Variants in CHGB observed in about 807,000 individuals in gnomAD.
The protein encoded by CHGB is chromogranin B, also known as secretogranin-1.
Under a neutral mutation model 69.9 loss-of-function variants are expected in CHGB, and 46 were observed. The ratio of observed to expected loss-of-function variants is 0.66; its 90% CI spans 0.52 to 0.84. The LOEUF (loss-of-function observed/expected upper bound fraction) is 0.84, where lower values mean the gene tolerates loss of function less well. CHGB is among the 40% of genes least tolerant of loss of function. The pLI, the probability that CHGB is intolerant of heterozygous loss-of-function variation, is 0.00. For missense variants in CHGB, 796 were observed against 822.2 expected, an observed-to-expected ratio of 0.97 and a Z score of 0.39; for synonymous variants, 312 against 298.2, an observed-to-expected ratio of 1.05 and a Z score of -0.48.
At chr20:5,913,426 G>T (rs1044035314) in intron 1 of CHGB, among the ~76,000 whole-genome samples, 1 of 152,080 alleles carries the variant, frequency 6.6e-6, no homozygotes, top group South Asian at 2.1e-4. Context: ...CTGGTAATTT[G>T]CAAAATTACA....
chr20:5,913,573 A>G (rs2088458014), intron 1 of CHGB, among the ~76,000 whole-genome samples: 2 of 151,270 alleles, frequency 1.3e-5, no homozygotes, highest in Admixed American at 6.6e-5. Context: ...AATGATATCC[A>G]TATTATTCTA....
At chr20:5,912,759 G>T (rs1003600192) in intron 1 of CHGB, among the ~76,000 whole-genome samples, 3 of 152,084 alleles carry the variant, frequency 2.0e-5, no homozygotes, top group African/African-American at 4.8e-5. Context: ...CTGTTTTAAT[G>T]ATTTAGAAAA....
intron 1 of CHGB, among the ~76,000 whole-genome samples, chr20:5,913,445 G>A (rs1233801624): frequency 6.6e-6 from 1 of 152,032 alleles, no homozygotes; most frequent in Non-Finnish European, 1.5e-5. Flanking sequence ...CAGGGCTGGG[G>A]GAAGCCTCAA....
At position 5,923,460 on chromosome 20, in the gene CHGB, G is replaced by C. The variant is rs771393741; in HGVS notation, c.1316G>C (p.Arg439Thr). ...YFMSDTREEK[R>T]FLGEGHHRVQ... ...ATGTCTGACACCAGAGAAGAGAAAA[G>C]GTTCTTGGGTGAAGGACACCACCGT... The change falls in exon 4 of 5, where the codon AGG (arginine) becomes ACG (threonine). Residue 439 changes from arginine to threonine, a missense_variant. Coordinates refer to ENST00000378961, the MANE Select transcript of CHGB (RefSeq NM_001819.3). 3 of 1,613,924 alleles carry C rather than the reference G, an allele frequency of 1.9e-6. No homozygotes were observed. The highest frequency in any genetic ancestry group is 8.5e-7 in the Non-Finnish European group (1 of 1,180,028).
At chr20:5,917,009 T>A in intron 3 of CHGB, 90 bp downstream of exon 3, 1 of 1,195,356 alleles carries the variant, frequency 8.4e-7, no homozygotes, top group Non-Finnish European at 1.2e-6. Flanking sequence ...TATCTACAAA[T>A]GACCTGGGGG....
Position 5,923,822 on chromosome 20 carries a change from A to G in CHGB, c.1678A>G (p.Lys560Glu), listed in dbSNP as rs1346637753. The G allele has an allele frequency of 1.2e-6, 2 of 1,614,212 alleles. No homozygotes were observed. Among genetic ancestry groups the G allele is most frequent in the Admixed American group, 3.3e-5 (2 of 60,030 alleles). The change falls in exon 4 of 5, where the codon AAG (lysine) becomes GAG (glutamate). Residue 560 changes from lysine (K) to glutamate (E), a missense_variant. By Grantham distance (56) the Lys-to-Glu change is moderately conservative. Around this residue, in one of 3 missense-constraint regions of CHGB, gnomAD observed 274 missense variants for 298.9 expected, o/e 0.92. Coordinates refer to ENST00000378961, the MANE Select transcript of CHGB (RefSeq NM_001819.3). The part of the protein sequence containing the change: ...EEENELTLNE[K>E]NFFPEYNYDW... ...GGAAAATGAGCTGACCTTGAACGAGAAGAATTTCTTCCCAGAATACAACTA... is the reference window on the plus strand; with the variant it reads ...GGAAAATGAGCTGACCTTGAACGAGGAGAATTTCTTCCCAGAATACAACTA...
At chr20:5,912,576 AT>A (rs2088452726) in intron 1 of CHGB, among the ~76,000 whole-genome samples, 1 of 152,120 alleles carries the variant, frequency 6.6e-6, no homozygotes, top group African/African-American at 2.4e-5. Flanking sequence ...AGATTGTAGG[AT>A]TAATCTTTCA....
Position 5,922,618 on chromosome 20 carries a change from G to A in CHGB, c.474G>A (p.Glu158=), listed in dbSNP as rs1351367601. 6.2e-7 allele frequency: 1 copy of A among 1,614,164 alleles called. No homozygotes were observed. Residue 158 remains glutamate (E), a synonymous_variant, in exon 4 of 5, where the codon GAG becomes GAA. Coordinates refer to ENST00000378961, the MANE Select transcript of CHGB (RefSeq NM_001819.3). ...VSEEVKTRHS[E]KSQREDEEEE... ...AAGAAGTGAAGACACGCCATTCTGA[G>A]AAGAGCCAGAGAGAGGATGAGGAGG...
intron 4 of CHGB, among the ~76,000 whole-genome samples, chr20:5,924,505 C>G (rs190330316): frequency 1.3e-5 from 2 of 152,298 alleles, no homozygotes; most frequent in East Asian, 3.9e-4. Context: ...TCTTATTGTT[C>G]ATCACTCTCT....
intron 3 of CHGB, among the ~76,000 whole-genome samples, chr20:5,921,428 G>A (rs917191481): frequency 3.3e-5 from 5 of 152,168 alleles, no homozygotes; most frequent in African/African-American, 1.2e-4. Flanking sequence ...AGCCCTCCCA[G>A]CTAACAACTG....
At chr20:5,912,234 G>A (rs2122564685) in intron 1 of CHGB, among the ~76,000 whole-genome samples, 1 of 152,274 alleles carries the variant, frequency 6.6e-6, no homozygotes, top group Non-Finnish European at 1.5e-5. Context: ...TAATGTGTGT[G>A]TATGTGTGCT....
intron 3 of CHGB, among the ~76,000 whole-genome samples, chr20:5,920,698 G>A (rs2088508794): frequency 6.6e-6 from 1 of 152,206 alleles, no homozygotes; most frequent in South Asian, 2.1e-4. Flanking sequence ...TTAGTCAATA[G>A]CACTGCCCAG....
intron 2 of CHGB, 105 bp from the exon 3 acceptor site, chr20:5,916,721 A>C: frequency 1.0e-6 from 1 of 988,690 alleles, no homozygotes. Context: ...ATACTGCATC[A>C]GCCCAGGTCA....
rs774750810 is a variant in CHGB, at chr20:5,923,695, A to G, written c.1551A>G (p.Arg517=). 6.2e-7 allele frequency: 1 copy of G among 1,613,934 alleles called. No individual in the cohort carries two copies. The highest frequency in any genetic ancestry group is 1.3e-5 in the African/African-American group (1 of 74,854). The change falls in exon 4 of 5, where the codon AGA becomes AGG. Residue 517 remains arginine (R), a synonymous_variant. Coordinates refer to ENST00000378961, the MANE Select transcript of CHGB (RefSeq NM_001819.3). The part of the protein sequence containing the change: ...SSHHTAEKRK[R]LGELFNPYYD... Reference sequence around the variant, plus strand: ...ATCACACAGCTGAAAAGAGGAAGAGATTAGGGGAACTGTTCAACCCATACT... The same window carrying G: ...ATCACACAGCTGAAAAGAGGAAGAGGTTAGGGGAACTGTTCAACCCATACT...
chr20:5,923,534 T>A lies in CHGB; in HGVS notation c.1390T>A (p.Trp464Arg), dbSNP rs375921573. The change falls in exon 4 of 5, where the codon TGG becomes AGG. Residue 464 changes from tryptophan (W) to arginine (R), a missense_variant. Transcript: ENST00000378961. The part of the protein sequence containing the change: ...DKARRHPQGA[W>R]KELDRNYLNY... ...GGCAAGGAGGCATCCACAAGGTGCG[T>A]GGAAAGAGCTGGACAGAAATTATCT... The A allele has an allele frequency of 6.2e-7, 1 of 1,613,878 alleles. No homozygotes were observed.
chr20:5,919,728 C>T (rs1262344068), intron 3 of CHGB, among the ~76,000 whole-genome samples: 1 of 152,218 alleles, frequency 6.6e-6, no homozygotes, highest in Non-Finnish European at 1.5e-5. Context: ...AGTTCTCTCT[C>T]TCTTGTTGGC....
rs1281394209 is a variant in CHGB, at chr20:5,923,830, C to A, written c.1686C>A (p.Phe562Leu). The change falls in exon 4 of 5, where the codon TTC becomes TTA. Residue 562 changes from phenylalanine to leucine, a missense_variant. By Grantham distance (22) the Phe-to-Leu change is conservative. This residue lies in a region of CHGB where 274 missense variants were observed against 298.9 expected (regional missense o/e 0.92). Transcript: ENST00000378961. The stretch of plus-strand genomic sequence containing the variant: ...AGCTGACCTTGAACGAGAAGAATTT[C>A]TTCCCAGAATACAACTATGACTGGT... ...ENELTLNEKN[F>L]FPEYNYDWWE... The A allele has an allele frequency of 6.2e-7, 1 of 1,614,204 alleles. No individual in the cohort carries two copies.
intron 1 of CHGB, among the ~76,000 whole-genome samples, chr20:5,915,235 T>A (rs945842475): frequency 3.3e-5 from 5 of 152,028 alleles, no homozygotes; most frequent in Non-Finnish European, 7.4e-5. Flanking sequence ...AGAAAAAAAA[T>A]GGCACTGAAA....
At chr20:5,913,772 G>A (rs950531600) in intron 1 of CHGB, among the ~76,000 whole-genome samples, 2 of 151,358 alleles carry the variant, frequency 1.3e-5, no homozygotes, top group Non-Finnish European at 2.9e-5. Context: ...TGGGATTACA[G>A]GTGTGTGTCA....
Sources: allele counts gnomAD v4.1 joint callset (sites outside exome capture counted in the v4.1 genomes callset), GRCh38; gene constraint gnomAD v4.1.1; regional missense constraint gnomAD v4.1.1; transcripts MANE v1.5; gene names NCBI Gene and HGNC (gene_info 2026-07-23, HGNC 2026-07-21).